SERP2: variants seen among roughly 807,000 people sequenced by gnomAD.
The protein encoded by SERP2 is stress-associated endoplasmic reticulum protein 2.
A neutral mutation model predicts 9.1 loss-of-function variants in SERP2; 6 were observed. That is an observed-to-expected ratio of 0.66 (90% CI 0.36 to 1.30). The LOEUF (loss-of-function observed/expected upper bound fraction) is 1.30, where lower values mean the gene tolerates loss of function less well. SERP2 is among the 50% of genes most tolerant of loss of function. The pLI is 0.03. For missense variants in SERP2, 58 were observed against 81.9 expected (o/e 0.71, Z 1.13); for synonymous variants, 37 against 27.3 (o/e 1.35, Z -1.10).
At chr13:44,377,410 G>A (rs1871718892) in intron 1 of SERP2, among the ~76,000 whole-genome samples, 1 of 152,238 alleles carries the variant, frequency 6.6e-6, no homozygotes, top group Non-Finnish European at 1.5e-5. Context: ...TGGTGGAAGA[G>A]GGTGGGAAGG....
intron 2 of SERP2, among the ~76,000 whole-genome samples, chr13:44,389,240 G>A (rs938813930): frequency 6.6e-6 from 1 of 152,178 alleles, no homozygotes; most frequent in Non-Finnish European, 1.5e-5. Flanking sequence ...TGGTTGCTAA[G>A]AGCTACAACT....
chr13:44,394,186 G>T (rs1333932855), intron 2 of SERP2, among the ~76,000 whole-genome samples: 1 of 152,016 alleles, frequency 6.6e-6, no homozygotes, highest in Non-Finnish European at 1.5e-5. Flanking sequence ...CACCCAGGCT[G>T]GAGTGCAGTG....
intron 2 of SERP2, among the ~76,000 whole-genome samples, chr13:44,386,390 GT>G (rs907102060): frequency 2.8e-4 from 43 of 152,058 alleles, no homozygotes; most frequent in African/African-American, 1.0e-3. Flanking sequence ...GATAACCAGT[GT>G]TTTTTTTCTT....
Position 44,380,935 on chromosome 13 carries a change from G to A in SERP2, c.157+1222G>A, listed in dbSNP as rs1170914565. 2.6e-5 allele frequency among the ~76,000 whole-genome samples: 4 copies of A among 152,106 alleles called. 1 individual carries two copies. The highest frequency in any genetic ancestry group is 2.1e-4 in the South Asian group (1 of 4,818). The stretch of plus-strand genomic sequence containing the variant: ...TCCTAGGGTAACACAGAATGGACTC[G>A]TTCTCCTCTAAGCACCTTGAATCAT... On this transcript the variant is annotated intron_variant, in intron 2 of 2. Transcript: ENST00000379179.
intron 2 of SERP2, among the ~76,000 whole-genome samples, chr13:44,387,503 T>C (rs1374149454): frequency 6.6e-6 from 1 of 152,228 alleles, no homozygotes; most frequent in Non-Finnish European, 1.5e-5. Context: ...CTTTCCTCTT[T>C]GACCAGAATG....
intron 2 of SERP2, among the ~76,000 whole-genome samples, chr13:44,392,803 ACATTTGTG>A (rs1872857263): frequency 2.6e-5 from 4 of 152,148 alleles, no homozygotes. Flanking sequence ...CTGGAGATAC[ACATTTGTG>A]CATCATCAAC....
At chr13:44,394,121 ATTCT>A (rs967154354) in intron 2 of SERP2, among the ~76,000 whole-genome samples, 15 of 151,642 alleles carry the variant, frequency 9.9e-5, no homozygotes, top group African/African-American at 2.7e-4. Context: ...TTTATCTTAG[ATTCT>A]TTCTATTATT....
Position 44,397,626 on chromosome 13 carries a change from T to A in SERP2, c.*314T>A, listed in dbSNP as rs573893133. ...TTTCACTAATGCGTGCATGTGGCCC[T>A]CTGAACGATCACTGGTTTACTTTCT... On this transcript the variant is annotated 3_prime_UTR_variant, in exon 3 of 3. Coordinates refer to ENST00000379179, the MANE Select transcript of SERP2 (RefSeq NM_001010897.3). 24 of 419,746 alleles carry A rather than the reference T, an allele frequency of 5.7e-5. No individual in the cohort carries two copies. The highest frequency in any genetic ancestry group is 9.2e-5 in the Non-Finnish European group (21 of 228,188). 26.0% of individuals were successfully genotyped at this position (419,746 alleles called of 1,614,324 possible).
chr13:44,397,084 G>A lies in SERP2; in HGVS notation c.158-188G>A, dbSNP rs532841028. Among the ~76,000 whole-genome samples the A allele has an allele frequency of 4.6e-5, 7 of 152,328 alleles. No individual in the cohort carries two copies. The South Asian group carries it at 1.5e-3, about 32-fold the overall frequency. ...TCCCTGAGGCATCCATCAGCCGACT[G>A]AGCGAGGCTGCCTTTTTAAAGAAGT... On this transcript the variant is annotated intron_variant, in intron 2 of 2. Transcript: ENST00000379179.
In SERP2 at chr13:44,397,559, G is replaced by T; in HGVS notation, c.*247G>T. 1 of 551,396 alleles carries T rather than the reference G, an allele frequency of 1.8e-6. No individual in the cohort carries two copies. Among genetic ancestry groups the T allele is most frequent in the Non-Finnish European group, 3.2e-6 (1 of 307,814 alleles). The allele number at this position is 551,396 out of a possible 1,614,324, so 34.2% of individuals were successfully genotyped here. A position where few individuals can be genotyped will look rare whatever the true frequency, so the allele number is the denominator to read the frequency against. ...CTGTTGGCAGGATTAGTAGCCACGC[G>T]GGTCGTCCGCAGCAGTGCTGTTTTT... On this transcript the variant is annotated 3_prime_UTR_variant, in exon 3 of 3. Coordinates refer to ENST00000379179, the MANE Select transcript of SERP2 (RefSeq NM_001010897.3).
chr13:44,396,060 T>C (rs1873084904), intron 2 of SERP2: 1 of 243,378 alleles, frequency 4.1e-6, no homozygotes. Flanking sequence ...CATTGAAATA[T>C]GTTGGTATCT....
intron 2 of SERP2, among the ~76,000 whole-genome samples, chr13:44,393,926 TAG>T (rs1247869130): frequency 6.6e-6 from 1 of 152,196 alleles, no homozygotes; most frequent in Non-Finnish European, 1.5e-5. Context: ...CTTAAAAAAA[TAG>T]ACTTTATTCA....
At chr13:44,382,263 C>T (rs1011095634) in intron 2 of SERP2, among the ~76,000 whole-genome samples, 10 of 151,060 alleles carry the variant, frequency 6.6e-5, no homozygotes, top group African/African-American at 1.2e-4. Context: ...GATGAAGCCC[C>T]GTCTCTACTA....
chr13:44,379,659 T>C lies in SERP2; in HGVS notation c.103T>C (p.Tyr35His). The C allele has an allele frequency of 4.3e-6, 7 of 1,612,878 alleles. No individual in the cohort carries two copies. The highest frequency in any genetic ancestry group is 5.1e-6 in the Non-Finnish European group (6 of 1,179,348). Residue 35 changes from tyrosine to histidine, a missense_variant, in exon 2 of 3, where the codon TAT becomes CAT. Tyr to His is a moderately conservative substitution (Grantham distance 83, BLOSUM62 2). Coordinates refer to ENST00000379179, the MANE Select transcript of SERP2 (RefSeq NM_001010897.3). Reference protein sequence around the residue: ...AKTLRPQEEKYPVGPWLLALF... With the variant: ...AKTLRPQEEKHPVGPWLLALF... ...CTTTTAGAGGCCGCAAGAGGAGAAA[T>C]ATCCTGTGGGACCATGGCTGTTGGC...
At position 44,397,273 on chromosome 13, in the gene SERP2, T is replaced by G. The variant is rs1873167337; in HGVS notation, c.159T>G (p.Ala53=). Reference sequence around the variant, plus strand: ...GCTGTGGTGTTTTCCTCTTTTCAGCTATCTTTCAGATCATTCAGAGCATAA... The same window carrying G: ...GCTGTGGTGTTTTCCTCTTTTCAGCGATCTTTCAGATCATTCAGAGCATAA... ...ALFVFVVCGS[A]IFQIIQSIRM... The change falls in exon 3 of 3, where the codon GCT becomes GCG. Residue 53 remains alanine (A), a splice_region_variant and synonymous_variant. Coordinates refer to ENST00000379179, the MANE Select transcript of SERP2 (RefSeq NM_001010897.3). The G allele has an allele frequency of 6.2e-7, 1 of 1,613,714 alleles. No individual in the cohort carries two copies. Among genetic ancestry groups the G allele is most frequent in the Non-Finnish European group, 8.5e-7 (1 of 1,179,722 alleles).
chr13:44,389,607 T>C (rs1872517961), intron 2 of SERP2, among the ~76,000 whole-genome samples: 1 of 152,172 alleles, frequency 6.6e-6, no homozygotes, highest in East Asian at 1.9e-4. Context: ...CTTTGCTTTT[T>C]GATGGTGAGA....
Position 44,397,408 on chromosome 13 carries a change from G to A in SERP2, c.*96G>A, listed in dbSNP as rs543788763. 1.2e-3 allele frequency: 1,156 copies of A among 981,178 alleles called. 15 individuals are homozygous for A. In the South Asian group the frequency reaches 0.014, roughly 12 times the overall value. 60.8% of individuals were successfully genotyped at this position (981,178 alleles called of 1,614,324 possible). Reference sequence around the variant, plus strand: ...TCTGCGGGAAACAAGCAGGCCACACGGAATAGAAAAAAACGCTCCCCCACT... The same window carrying A: ...TCTGCGGGAAACAAGCAGGCCACACAGAATAGAAAAAAACGCTCCCCCACT... On this transcript the variant is annotated 3_prime_UTR_variant, in exon 3 of 3. Transcript: ENST00000379179.
intron 2 of SERP2, among the ~76,000 whole-genome samples, chr13:44,394,872 T>C (rs1389726755): frequency 2.0e-5 from 3 of 152,210 alleles, no homozygotes; most frequent in Non-Finnish European, 4.4e-5. Context: ...GAGTCCTCCA[T>C]GTGTGAGGAC....
At chr13:44,388,184 G>A (rs1872426847) in intron 2 of SERP2, among the ~76,000 whole-genome samples, 1 of 151,634 alleles carries the variant, frequency 6.6e-6, no homozygotes, top group Non-Finnish European at 1.5e-5. Flanking sequence ...ATCTTAGAGG[G>A]AAATAAATGA....
Sources: allele counts gnomAD v4.1 joint callset (sites outside exome capture counted in the v4.1 genomes callset), GRCh38; gene constraint gnomAD v4.1.1; transcripts MANE v1.5; gene names NCBI Gene and HGNC (gene_info 2026-07-23, HGNC 2026-07-21).